KALRN: variants seen among roughly 807,000 people sequenced by gnomAD.
The protein encoded by KALRN is kalirin.
KALRN carries 70 observed loss-of-function variants against 353.7 expected under a neutral mutation model. The ratio of observed to expected loss-of-function variants is 0.20; its 90% confidence interval spans 0.16 to 0.24. The LOEUF is 0.24. Among genes scored for constraint, KALRN ranks in the 10% least tolerant of loss-of-function variants. The pLI, the probability that KALRN is intolerant of heterozygous loss-of-function variation, is 1.00. For missense variants in KALRN, 2,791 were observed against 3,756.7 expected, an observed-to-expected ratio of 0.74 and a Z score of 6.72; for synonymous variants, 1,391 against 1,434.8, an observed-to-expected ratio of 0.97 and a Z score of 0.69.
intron 51 of KALRN, among the ~76,000 whole-genome samples, chr3:124,682,887 C>A (rs1003661027): frequency 6.6e-6 from 1 of 152,168 alleles, no homozygotes; most frequent in Non-Finnish European, 1.5e-5. Flanking sequence ...AACTCCTACT[C>A]CCAGCAGTAC....
rs137928461 is a variant in KALRN, at chr3:124,140,794, C to CGG, written c.74-87189_74-87188dup. Among the ~76,000 whole-genome samples, 665 of 151,804 alleles carry CGG rather than the reference C, an allele frequency of 4.4e-3. 2 individuals carry two copies. The highest frequency in any genetic ancestry group is 0.014 in the African/African-American group (594 of 41,402). On this transcript the variant is annotated intron_variant, in intron 1 of 59. Transcript: ENST00000682506. ...TCCCAAAGCAGCAGCCTTGCCCTCC[C>CGG]GGGGGGGGCACAGGGAGTAGGGGAG... is the stretch of plus-strand genomic sequence containing the variant.
intron 1 of KALRN, among the ~76,000 whole-genome samples, chr3:124,086,900 A>G (rs1252513510): frequency 1.3e-5 from 2 of 152,236 alleles, no homozygotes; most frequent in Non-Finnish European, 2.9e-5. Context: ...ACAGCAGGTG[A>G]ATACTAACTA....
chr3:124,657,946 G>A (rs1285434080), intron 41 of KALRN, 143 bp downstream of exon 41: 1 of 652,482 alleles, frequency 1.5e-6, no homozygotes, highest in Admixed American at 2.5e-5. Flanking sequence ...TTGACCCCAG[G>A]AATTGAGACC....
At chr3:124,277,598 C>T (rs1348495573) in intron 5 of KALRN, among the ~76,000 whole-genome samples, 1 of 152,206 alleles carries the variant, frequency 6.6e-6, no homozygotes, top group East Asian at 1.9e-4. Context: ...GTTTTTCTCC[C>T]TCTTAAATCC....
At chr3:124,222,215 A>C (rs1356371946) in intron 1 of KALRN, among the ~76,000 whole-genome samples, 1 of 152,226 alleles carries the variant, frequency 6.6e-6, no homozygotes, top group African/African-American at 2.4e-5. Flanking sequence ...AGCTACCAAA[A>C]TTCTGAGCAG....
chr3:124,087,046 G>T (rs946350856), intron 1 of KALRN, among the ~76,000 whole-genome samples: 1 of 151,958 alleles, frequency 6.6e-6, no homozygotes, highest in Non-Finnish European at 1.5e-5. Context: ...TCATTCAGTG[G>T]GCATCAGATT....
At chr3:124,182,130 T>C (rs1920618) in intron 1 of KALRN, among the ~76,000 whole-genome samples, 150,894 of 152,356 alleles carry the variant, frequency 0.99, 74,744 homozygotes, top group East Asian at 1. Context: ...AATAGGGCAG[T>C]AAATATTTGG....
At chr3:124,204,562 A>C (rs1004079161) in intron 1 of KALRN, among the ~76,000 whole-genome samples, 10 of 150,048 alleles carry the variant, frequency 6.7e-5, no homozygotes, top group African/African-American at 2.4e-4. Context: ...ATTAAGATGC[A>C]CTTTGATTCA....
At chr3:124,703,487 G>C (rs967988625) in intron 57 of KALRN, among the ~76,000 whole-genome samples, 2 of 151,754 alleles carry the variant, frequency 1.3e-5, no homozygotes, top group South Asian at 2.1e-4. Flanking sequence ...TGTTTGAGCA[G>C]ATTTAAAAAA....
intron 33 of KALRN, among the ~76,000 whole-genome samples, chr3:124,510,085 C>T (rs1298892529): frequency 2.0e-5 from 3 of 152,124 alleles, no homozygotes; most frequent in East Asian, 1.9e-4. Flanking sequence ...CTGAGGTCAT[C>T]GCTTGTATTT....
intron 34 of KALRN, among the ~76,000 whole-genome samples, chr3:124,585,620 G>T (rs2149303633): frequency 6.6e-6 from 1 of 152,192 alleles, no homozygotes; most frequent in African/African-American, 2.4e-5. Flanking sequence ...ACAGAGGGAG[G>T]GTTCTCAATT....
At chr3:124,619,482 C>CTTTTTTTTTT (rs59009780) in intron 34 of KALRN, among the ~76,000 whole-genome samples, 2 of 104,658 alleles carry the variant, frequency 1.9e-5, no homozygotes, top group African/African-American at 3.6e-5. Flanking sequence ...TATTTTCCTT[C>CTTTTTTTTTT]TTTTTTTTTT....
chr3:124,372,113 A>G (rs990799249), intron 10 of KALRN, among the ~76,000 whole-genome samples: 3 of 152,188 alleles, frequency 2.0e-5, no homozygotes, highest in Non-Finnish European at 4.4e-5. Flanking sequence ...CGTTTTTGCA[A>G]ATGACTGGAT....
At chr3:124,687,805 T>A (rs61254249) in intron 51 of KALRN, among the ~76,000 whole-genome samples, 3 of 151,880 alleles carry the variant, frequency 2.0e-5, no homozygotes, top group Non-Finnish European at 4.4e-5. Flanking sequence ...ATATCCTTTT[T>A]AAAAATCTCA....
chr3:124,633,817 A>T (rs758961690), intron 35 of KALRN, 35 bp from the exon 36 acceptor site: 70 of 1,579,418 alleles, frequency 4.4e-5, no homozygotes, highest in Non-Finnish European at 5.9e-5. Context: ...CATGTTTGTG[A>T]CACAGTAACT....
chr3:124,551,803 A>G (rs1577920968), intron 33 of KALRN, among the ~76,000 whole-genome samples: 1 of 152,166 alleles, frequency 6.6e-6, no homozygotes, highest in Admixed American at 6.5e-5. Flanking sequence ...GACTGTAAGC[A>G]TGGTGCAGGT....
At chr3:124,500,853 A>G (rs192533078) in intron 33 of KALRN, among the ~76,000 whole-genome samples, 25 of 147,730 alleles carry the variant, frequency 1.7e-4, no homozygotes, top group African/African-American at 5.8e-4. Context: ...CTATATGTGC[A>G]TTACTAAATG....
At chr3:124,158,692 C>T (rs1025862947) in intron 1 of KALRN, among the ~76,000 whole-genome samples, 2 of 152,146 alleles carry the variant, frequency 1.3e-5, no homozygotes, top group African/African-American at 2.4e-5. Flanking sequence ...CCCCACCACC[C>T]GCCAAGCCAT....
rs372449569 is a variant in KALRN at position 124,455,377 on chromosome 3, C to T, written c.3735+18C>T. The T allele has an allele frequency of 1.9e-6, 3 of 1,607,790 alleles. No individual in the cohort carries two copies. The highest frequency in any genetic ancestry group is 1.3e-5 in the African/African-American group (1 of 74,760). ...ACACAGAGGTAGGCAGGGGTATTGT[C>T]CTCTGGGACATCCTCCCTTCTCATC... On this transcript the variant is annotated intron_variant, in intron 22 of 59. Coordinates refer to ENST00000682506, the MANE Select transcript of KALRN (RefSeq NM_001388419.1).
Sources: gnomAD v4.1 joint callset for allele counts (sites outside exome capture counted in the v4.1 genomes callset) on GRCh38, gnomAD v4.1.1 for gene constraint, MANE v1.5 for transcripts, NCBI Gene and HGNC (gene_info 2026-07-23, HGNC 2026-07-21) for gene names.